Variants in IL17RD observed in about 807,000 individuals in gnomAD.
IL17RD encodes interleukin-17 receptor D.
A neutral mutation model predicts 80.5 loss-of-function variants in IL17RD; 52 were observed. The observed-to-expected ratio is 0.65, with a 90% CI of 0.52 to 0.81. The LOEUF is 0.81. IL17RD is among the 40% of genes least tolerant of loss of function. The probability of loss-of-function intolerance (pLI) is 0.00; values close to 1 mark genes in which losing one functional copy is unlikely to be tolerated. For missense variants in IL17RD, 1,024 were observed against 955.1 expected, an observed-to-expected ratio of 1.07 and a Z score of -0.95; for synonymous variants, 416 against 391.8, an observed-to-expected ratio of 1.06 and a Z score of -0.73.
rs368722233 is a variant in IL17RD at position 57,148,247 on chromosome 3, C to T, written c.126+16914G>A. The stretch of plus-strand genomic sequence containing the variant: ...GGCTGAGGCAGGAGAATCGCTTGAA[C>T]CCAGAAGGCAGAGGTTGCAGTGAGC... On this transcript the variant is annotated intron_variant, in intron 1 of 12. Coordinates refer to ENST00000296318, the MANE Select transcript of IL17RD (RefSeq NM_017563.5). Among the ~76,000 whole-genome samples the T allele has an allele frequency of 6.0e-4, 91 of 151,796 alleles. 1 individual carries two copies. The highest frequency in any genetic ancestry group is 2.0e-3 in the African/African-American group (82 of 41,362).
chr3:57,120,055 A>G (rs1475069618), intron 2 of IL17RD, among the ~76,000 whole-genome samples: 1 of 152,192 alleles, frequency 6.6e-6, no homozygotes, highest in Non-Finnish European at 1.5e-5. Context: ...TCTGAACACT[A>G]TGGAAGACAC....
At chr3:57,167,607 G>C (rs543019057), upstream of IL17RD, among the ~76,000 whole-genome samples, 3 of 152,122 alleles carry the variant, frequency 2.0e-5, no homozygotes, top group Non-Finnish European at 4.4e-5. Flanking sequence ...ACAACCCCAT[G>C]CTAAGGGACA....
At chr3:57,134,270 C>G in intron 1 of IL17RD, 1 of 682,192 alleles carries the variant, frequency 1.5e-6, no homozygotes, top group South Asian at 1.4e-5. Flanking sequence ...AGAAGCTGAT[C>G]AAAGATGGGC....
At position 57,130,947 on chromosome 3, in the gene IL17RD, C is replaced by T. The variant is rs539419496; in HGVS notation, c.127-10634G>A. ...AGCTTGAGGCCAGCCGCCTGGGAGCCGGACACAGCAATTAGACCCTTCCCA... is the reference window on the plus strand; with the variant it reads ...AGCTTGAGGCCAGCCGCCTGGGAGCTGGACACAGCAATTAGACCCTTCCCA... On this transcript the variant is annotated intron_variant, in intron 1 of 12. Coordinates refer to ENST00000296318, the MANE Select transcript of IL17RD (RefSeq NM_017563.5). Among the ~76,000 whole-genome samples, 68 of 152,298 alleles carry T rather than the reference C, an allele frequency of 4.5e-4. No individual in the cohort carries two copies. The Middle Eastern group carries it at 0.014, about 30-fold the overall frequency.
intron 1 of IL17RD, among the ~76,000 whole-genome samples, chr3:57,154,090 A>AG: frequency 1.3e-5 from 2 of 151,908 alleles, no homozygotes; most frequent in South Asian, 4.2e-4. Flanking sequence ...AACAAAAAAA[A>AG]AGTAAAAAAA....
intron 2 of IL17RD, 102 bp downstream of exon 2, chr3:57,120,154 T>C: frequency 1.1e-6 from 1 of 923,480 alleles, no homozygotes; most frequent in Admixed American, 2.0e-5. Flanking sequence ...GTTCAGAAAA[T>C]TCGTCAACCC....
chr3:57,117,088 T>C (rs1207596766), intron 2 of IL17RD, among the ~76,000 whole-genome samples: 1 of 151,134 alleles, frequency 6.6e-6, no homozygotes, highest in Non-Finnish European at 1.5e-5. Context: ...TCTGTAAATA[T>C]AGTTATGCAA....
chr3:57,113,139 T>G (rs1707135142), intron 3 of IL17RD, among the ~76,000 whole-genome samples: 1 of 152,258 alleles, frequency 6.6e-6, no homozygotes, highest in South Asian at 2.1e-4. Context: ...CTGTGTATCT[T>G]CAATTCATTC....
chr3:57,098,474 T>G lies in IL17RD; in HGVS notation c.1229A>C (p.Gln410Pro). The change falls in exon 12 of 13, where the codon CAG becomes CCG. Residue 410 changes from glutamine (Q) to proline (P), a missense_variant. Transcript: ENST00000296318. The part of the protein sequence containing the change: ...CREGQREWVI[Q>P]KIHESQFIIV... The stretch of plus-strand genomic sequence containing the variant: ...GATGAACTGGGACTCGTGGATCTTC[T>G]GGATGACCCATTCTCTCTGCCCTTC... The G allele has an allele frequency of 1.2e-6, 2 of 1,613,928 alleles. No homozygotes were observed. Among genetic ancestry groups the G allele is most frequent in the Non-Finnish European group, 1.7e-6 (2 of 1,179,830 alleles).
intron 1 of IL17RD, among the ~76,000 whole-genome samples, chr3:57,146,819 TC>T (rs1707941458): frequency 7.3e-6 from 1 of 137,650 alleles, no homozygotes; most frequent in Admixed American, 7.7e-5. Context: ...TGAGAGGTAT[TC>T]TTTTTTTTTT....
rs1706603427 is a variant in IL17RD, at chr3:57,093,483, A to G, written c.*2910T>C. 2 of 152,188 alleles carry G rather than the reference A, an allele frequency of 1.3e-5. No homozygotes were observed. Among genetic ancestry groups the G allele is most frequent in the African/African-American group, 4.8e-5 (2 of 41,450 alleles). 9.4% of individuals were successfully genotyped at this position (152,188 alleles called of 1,614,324 possible). ...TAAAAGAAAAGATGCTCAACTCTGA[A>G]AAAAAGGCTCTGAAAATCATGTAAC... On this transcript the variant is annotated 3_prime_UTR_variant, in exon 13 of 13. Transcript: ENST00000296318.
In IL17RD at chr3:57,092,098, A is replaced by C. The variant is rs569165511; in HGVS notation, c.*4295T>G. 5.9e-5 allele frequency: 9 copies of C among 152,786 alleles called. No individual in the cohort carries two copies. The highest frequency in any genetic ancestry group is 2.2e-4 in the African/African-American group (9 of 41,584). 9.5% of individuals were successfully genotyped at this position (152,786 alleles called of 1,614,324 possible). On this transcript the variant is annotated 3_prime_UTR_variant, in exon 13 of 13. Transcript: ENST00000296318. ...GTTTCACACCTCCAAAACACAGTCA[A>C]TTCACAGACCACTTAAAACGGAAGA...
upstream of IL17RD, among the ~76,000 whole-genome samples, chr3:57,166,521 A>T (rs1304071255): frequency 1.3e-5 from 2 of 151,602 alleles, no homozygotes; most frequent in African/African-American, 2.4e-5. Context: ...ACAAACAAAC[A>T]AACAAACAAA....
intron 1 of IL17RD, among the ~76,000 whole-genome samples, chr3:57,127,752 C>T (rs1287167993): frequency 6.6e-6 from 1 of 152,158 alleles, no homozygotes; most frequent in Non-Finnish European, 1.5e-5. Flanking sequence ...TGGGCTTCCA[C>T]TGTGTAACAG....
intron 1 of IL17RD, among the ~76,000 whole-genome samples, chr3:57,140,134 C>G (rs1476876645): frequency 6.6e-6 from 1 of 152,152 alleles, no homozygotes; most frequent in East Asian, 1.9e-4. Context: ...TTCTGCCAGA[C>G]AGCCCTCTAA....
intron 3 of IL17RD, among the ~76,000 whole-genome samples, chr3:57,113,856 T>C (rs769952550): frequency 3.3e-5 from 5 of 152,058 alleles, no homozygotes; most frequent in Admixed American, 6.6e-5. Context: ...TTTTTTTTGT[T>C]CTTTTCCATT....
intron 1 of IL17RD, among the ~76,000 whole-genome samples, chr3:57,141,385 C>A (rs1707825001): frequency 6.6e-6 from 1 of 152,150 alleles, no homozygotes; most frequent in Non-Finnish European, 1.5e-5. Context: ...AAGCTTGACA[C>A]TGAGGACTTA....
intron 1 of IL17RD, among the ~76,000 whole-genome samples, chr3:57,149,118 C>T (rs1454673169): frequency 2.6e-5 from 4 of 152,078 alleles, no homozygotes; most frequent in Admixed American, 1.3e-4. Flanking sequence ...TCAAGACCAG[C>T]CTGGCCAACA....
intron 1 of IL17RD, among the ~76,000 whole-genome samples, chr3:57,161,164 G>C (rs985995452): frequency 6.6e-6 from 1 of 152,326 alleles, no homozygotes; most frequent in East Asian, 1.9e-4. Context: ...TCTAAAAAAT[G>C]TATCAACCAG....
Sources: gnomAD v4.1 joint callset for allele counts (sites outside exome capture counted in the v4.1 genomes callset) on GRCh38, gnomAD v4.1.1 for gene constraint, MANE v1.5 for transcripts, NCBI Gene and HGNC (gene_info 2026-07-23, HGNC 2026-07-21) for gene names.